The following PLXNA2 variants were observed in gnomAD, a reference collection of about 807,000 sequenced individuals.
PLXNA2 encodes plexin-A2.
Under a neutral mutation model 193.5 loss-of-function variants are expected in PLXNA2, and 91 were observed. The observed-to-expected ratio is 0.47, with a 90% CI of 0.40 to 0.56. The LOEUF is 0.56. PLXNA2 is among the 20% of genes least tolerant of loss of function. The pLI is 0.00. For missense variants in PLXNA2, 1,995 were observed against 2,503.2 expected, an observed-to-expected ratio of 0.80 and a Z score of 4.33; for synonymous variants, 997 against 1,027.3, an observed-to-expected ratio of 0.97 and a Z score of 0.56.
chr1:208,119,811 C>G (rs932260225), intron 4 of PLXNA2, among the ~76,000 whole-genome samples: 1 of 152,176 alleles, frequency 6.6e-6, no homozygotes, highest in Admixed American at 6.5e-5. Flanking sequence ...GATGGGGTTT[C>G]ACCATGTTGG....
intron 4 of PLXNA2, among the ~76,000 whole-genome samples, chr1:208,134,002 A>T (rs1471635677): frequency 6.6e-6 from 1 of 152,200 alleles, no homozygotes; most frequent in Non-Finnish European, 1.5e-5. Context: ...TAGAAAGAAA[A>T]ATCAAATCCC....
intron 12 of PLXNA2, among the ~76,000 whole-genome samples, chr1:208,061,779 C>A (rs781039958): frequency 5.3e-5 from 8 of 152,116 alleles, no homozygotes; most frequent in African/African-American, 1.4e-4. Context: ...TCTTTGGGAT[C>A]CAACAGATCC....
chr1:208,124,506 C>T (rs1286368464), intron 4 of PLXNA2, among the ~76,000 whole-genome samples: 1 of 151,842 alleles, frequency 6.6e-6, no homozygotes, highest in Non-Finnish European at 1.5e-5. Flanking sequence ...TGGCGAAACC[C>T]TATCTCTACT....
chr1:208,066,796 T>C (rs1318547480), intron 12 of PLXNA2, among the ~76,000 whole-genome samples: 1 of 152,086 alleles, frequency 6.6e-6, no homozygotes, highest in Non-Finnish European at 1.5e-5. Context: ...TGGGACAAGA[T>C]AAGGAGGTGG....
At position 208,096,496 on chromosome 1, in the gene PLXNA2, G is replaced by A. The variant is rs113779501; in HGVS notation, c.1885+234C>T. ...AAGCCACTCCATTCCTAGGAGGGACGGGCTATCTGGAAAGACGCTGTGTTC... is the reference window on the plus strand; with the variant it reads ...AAGCCACTCCATTCCTAGGAGGGACAGGCTATCTGGAAAGACGCTGTGTTC... On this transcript the variant is annotated intron_variant, in intron 7 of 31. Coordinates refer to ENST00000367033, the MANE Select transcript of PLXNA2 (RefSeq NM_025179.4). Among the ~76,000 whole-genome samples the A allele has an allele frequency of 4.4e-3, 666 of 152,294 alleles. 11 individuals carry two copies. Among genetic ancestry groups the A allele is most frequent in the African/African-American group, 0.014 (586 of 41,556 alleles).
intron 9 of PLXNA2, among the ~76,000 whole-genome samples, chr1:208,086,261 C>T (rs1021674006): frequency 2.6e-5 from 4 of 151,960 alleles, no homozygotes; most frequent in Admixed American, 1.3e-4. Flanking sequence ...CATGTCATTG[C>T]TTGTGGGAGG....
chr1:208,227,025 A>G (rs1671532448), intron 1 of PLXNA2, among the ~76,000 whole-genome samples: 1 of 152,226 alleles, frequency 6.6e-6, no homozygotes, highest in South Asian at 2.1e-4. Flanking sequence ...ACCCTATTTA[A>G]ACCATCTTAT....
chr1:208,179,266 T>C (rs972644277), intron 3 of PLXNA2, among the ~76,000 whole-genome samples: 1 of 152,190 alleles, frequency 6.6e-6, no homozygotes, highest in South Asian at 2.1e-4. Context: ...ATAATGATGA[T>C]AATAGCACCA....
At chr1:208,068,058 T>A (rs913473162) in intron 12 of PLXNA2, among the ~76,000 whole-genome samples, 1 of 152,130 alleles carries the variant, frequency 6.6e-6, no homozygotes, top group Admixed American at 6.6e-5. Flanking sequence ...TATGAACACC[T>A]CCAGGACCAC....
At position 208,082,671 on chromosome 1, in the gene PLXNA2, T is replaced by A. The variant is rs1173382932; in HGVS notation, c.2299-163A>T. The stretch of plus-strand genomic sequence containing the variant: ...CCCACCCAAGCCTCCTAGCTTGGCA[T>A]TCAGTGCCCTGCATAATCGGATGCA... On this transcript the variant is annotated intron_variant, in intron 10 of 31. Transcript: ENST00000367033. The surrounding 1 kb of genome is among the most constrained non-coding windows in gnomAD (Gnocchi z 4.2). Among the ~76,000 whole-genome samples the A allele has an allele frequency of 6.6e-6, 1 of 152,174 alleles. No homozygotes were observed. The highest frequency in any genetic ancestry group is 1.5e-5 in the Non-Finnish European group (1 of 68,024).
intron 4 of PLXNA2, among the ~76,000 whole-genome samples, chr1:208,108,550 C>T (rs542904359): frequency 4.0e-4 from 61 of 152,304 alleles, no homozygotes; most frequent in African/African-American, 1.5e-3. Context: ...TGGAAGGACC[C>T]ACATGGTTCT....
Position 208,038,576 on chromosome 1 carries a change from C to T in PLXNA2, c.4661-102G>A, listed in dbSNP as rs887053513. The T allele has an allele frequency of 1.0e-5, 10 of 962,834 alleles. No homozygotes were observed. In the Admixed American group the frequency reaches 1.6e-4, roughly 16 times the overall value. The allele number at this position is 962,834 out of a possible 1,614,324, so 59.6% of individuals were successfully genotyped here. A position where few individuals can be genotyped will look rare whatever the true frequency, so the allele number is the denominator to read the frequency against. ...CTCTAGGGACCTGGCAACCCGGCCC[C>T]CTCAAGCTGGTACCAATAACAGAGG... On this transcript the variant is annotated intron_variant, in intron 25 of 31. Transcript: ENST00000367033. The surrounding 1 kb of genome is among the most constrained non-coding windows in gnomAD (Gnocchi z 4.1).
intron 3 of PLXNA2, among the ~76,000 whole-genome samples, chr1:208,171,889 C>T (rs1669506088): frequency 6.6e-6 from 1 of 151,756 alleles, no homozygotes; most frequent in Non-Finnish European, 1.5e-5. Context: ...AATAATAGCT[C>T]TTACCCTAAT....
intron 3 of PLXNA2, among the ~76,000 whole-genome samples, chr1:208,185,696 CAAAAAAAAAAAAAAAAAA>C (rs56384277): frequency 1.7e-5 from 1 of 57,256 alleles, no homozygotes; most frequent in Non-Finnish European, 3.0e-5. Flanking sequence ...TCTCTGAAAG[CAAAAAAAAAAAAAAAAAA>C]AAAAGGAAAA....
chr1:208,172,038 A>AAT (rs398103631), intron 3 of PLXNA2, among the ~76,000 whole-genome samples: 2 of 146,384 alleles, frequency 1.4e-5, no homozygotes, highest in Non-Finnish European at 3.0e-5. Flanking sequence ...AAAAAAAAAA[A>AAT]GGCAAAACCC....
chr1:208,044,785 T>G lies in PLXNA2; in HGVS notation c.3640-43A>C, dbSNP rs759358429. 4.0e-6 allele frequency: 6 copies of G among 1,485,170 alleles called. No homozygotes were observed. Among genetic ancestry groups the G allele is most frequent in the Non-Finnish European group, 4.7e-6 (5 of 1,073,224 alleles). 92.0% of individuals were successfully genotyped at this position (1,485,170 alleles called of 1,614,324 possible). On this transcript the variant is annotated intron_variant, in intron 19 of 31. Transcript: ENST00000367033. This position sits in a 1 kb window ranked among gnomAD's most constrained non-coding sequence, Gnocchi z 4.9. ...ACAGACGCACATGGATGCACACAGGTGTAGAGCCCGGGCATGCCAGCAGAT... is the reference window on the plus strand; with the variant it reads ...ACAGACGCACATGGATGCACACAGGGGTAGAGCCCGGGCATGCCAGCAGAT...
At position 208,236,456 on chromosome 1, in the gene PLXNA2, GC is replaced by G. The variant is rs1671855675; in HGVS notation, c.-81+7186del. On this transcript the variant is annotated intron_variant, in intron 1 of 31. Transcript: ENST00000367033. The surrounding 1 kb of genome is among the most constrained non-coding windows in gnomAD (Gnocchi z 4.4). ...TGCTGCCTCTATAAGGCAAGGCAGG[GC>G]TTTTCTACACACCCCTTCCTCTGCT... 6.6e-6 allele frequency among the ~76,000 whole-genome samples: 1 copy of G among 152,150 alleles called. No individual in the cohort carries two copies. Among genetic ancestry groups the G allele is most frequent in the Non-Finnish European group, 1.5e-5 (1 of 68,024 alleles).
At chr1:208,134,576 A>T (rs1394107713) in intron 4 of PLXNA2, among the ~76,000 whole-genome samples, 1 of 152,086 alleles carries the variant, frequency 6.6e-6, no homozygotes, top group East Asian at 1.9e-4. Context: ...TAATCCGCAA[A>T]CTCTGTAATT....
At position 208,023,331 on chromosome 1, in the gene PLXNA2, T is replaced by C. The variant is rs1028786045; in HGVS notation, c.*3912A>G. The C allele has an allele frequency of 6.5e-6, 1 of 152,686 alleles. No individual in the cohort carries two copies. Among genetic ancestry groups the C allele is most frequent in the Non-Finnish European group, 1.5e-5 (1 of 68,110 alleles). 9.5% of individuals were successfully genotyped at this position (152,686 alleles called of 1,614,324 possible). A position where few individuals can be genotyped will look rare whatever the true frequency, so the allele number is the denominator to read the frequency against. ...TCAGTATTTACCAGGAGCAGGTTAA[T>C]GGGGGCAGGCGTGGCAACCGGGATG... On this transcript the variant is annotated 3_prime_UTR_variant, in exon 32 of 32. Transcript: ENST00000367033.
Sources: gnomAD v4.1 joint callset for allele counts (sites outside exome capture counted in the v4.1 genomes callset) on GRCh38, gnomAD v4.1.1 for gene constraint, Gnocchi (gnomAD v3.1) non-coding constraint, MANE v1.5 for transcripts, NCBI Gene and HGNC (gene_info 2026-07-23, HGNC 2026-07-21) for gene names.